Variants in LRRIQ3 observed in about 807,000 individuals in gnomAD.
LRRIQ3 encodes leucine rich repeats and IQ motif containing 3, also known as leucine-rich repeat and IQ domain-containing protein 3.
Under a neutral mutation model 59.3 loss-of-function variants are expected in LRRIQ3, and 75 were observed. The observed-to-expected ratio is 1.26, with a 90% CI of 1.05 to 1.53. The LOEUF (loss-of-function observed/expected upper bound fraction) is 1.53, where lower values mean the gene tolerates loss of function less well. Among genes scored for constraint, LRRIQ3 ranks in the 40% most tolerant of loss-of-function variants. The pLI is 0.00. For synonymous variants in LRRIQ3, 250 were observed against 231.3 expected (o/e 1.08, Z -0.73); for missense variants, 831 against 710.0 (o/e 1.17, Z -1.94).
chr1:74,196,821 T>C (rs554466607), intron 1 of LRRIQ3, among the ~76,000 whole-genome samples: 2 of 152,314 alleles, frequency 1.3e-5, no homozygotes, highest in South Asian at 4.1e-4. Context: ...ACCTGCAATA[T>C]TGCAGTAACC....
intron 4 of LRRIQ3, among the ~76,000 whole-genome samples, chr1:74,128,568 A>G (rs889405234): frequency 6.6e-6 from 1 of 152,078 alleles, no homozygotes; most frequent in Non-Finnish European, 1.5e-5. Context: ...GAAAGTTCAC[A>G]TATGTCTCTC....
intron 6 of LRRIQ3, among the ~76,000 whole-genome samples, 184 bp downstream of exon 6, chr1:74,074,477 T>C (rs747650778): frequency 2.6e-5 from 4 of 152,146 alleles, no homozygotes; most frequent in East Asian, 1.9e-4. Context: ...ACGGATTACA[T>C]GTACTTTTTT....
At chr1:74,119,178 C>T (rs1557624324) in intron 4 of LRRIQ3, among the ~76,000 whole-genome samples, 1 of 152,032 alleles carries the variant, frequency 6.6e-6, no homozygotes, top group Non-Finnish European at 1.5e-5. Context: ...TTGTCACCAG[C>T]AATATAATTC....
At chr1:74,193,187 G>A (rs894736031) in intron 1 of LRRIQ3, among the ~76,000 whole-genome samples, 1 of 152,136 alleles carries the variant, frequency 6.6e-6, no homozygotes, top group Admixed American at 6.5e-5. Context: ...TAACTATTTT[G>A]TGAAATGTAT....
chr1:74,139,956 A>AG (rs1647201574), intron 4 of LRRIQ3, among the ~76,000 whole-genome samples: 2 of 151,898 alleles, frequency 1.3e-5, no homozygotes, highest in South Asian at 4.1e-4. Flanking sequence ...AAAACAGTAG[A>AG]GGGGGAAAAC....
chr1:74,082,849 A>T (rs1325869190), intron 5 of LRRIQ3: 1 of 151,632 alleles, frequency 6.6e-6, no homozygotes, highest in Non-Finnish European at 1.5e-5. Flanking sequence ...TGACTCAATA[A>T]CAATTACTTG....
At chr1:74,105,535 G>A (rs925091206) in intron 5 of LRRIQ3, among the ~76,000 whole-genome samples, 1 of 151,864 alleles carries the variant, frequency 6.6e-6, no homozygotes, top group Non-Finnish European at 1.5e-5. Flanking sequence ...TTACAGACGT[G>A]AGCCACCATG....
intron 4 of LRRIQ3, among the ~76,000 whole-genome samples, chr1:74,139,379 A>C (rs1479936153): frequency 6.6e-6 from 1 of 151,746 alleles, no homozygotes; most frequent in Non-Finnish European, 1.5e-5. Flanking sequence ...AATTGCATAC[A>C]CCAAAATTTT....
chr1:74,076,605 C>T (rs1646213292), intron 5 of LRRIQ3, among the ~76,000 whole-genome samples: 1 of 151,992 alleles, frequency 6.6e-6, no homozygotes, highest in Non-Finnish European at 1.5e-5. Context: ...CTTGTTCAAA[C>T]CTCCTTTATT....
At chr1:74,036,383 C>T (rs1164049322) in intron 7 of LRRIQ3, among the ~76,000 whole-genome samples, 1 of 152,086 alleles carries the variant, frequency 6.6e-6, no homozygotes, top group Non-Finnish European at 1.5e-5. Flanking sequence ...TAGGTCATAC[C>T]CTTTTCTTTT....
At chr1:74,071,807 T>A (rs1357690449) in intron 6 of LRRIQ3, among the ~76,000 whole-genome samples, 1 of 152,100 alleles carries the variant, frequency 6.6e-6, no homozygotes, top group Non-Finnish European at 1.5e-5. Context: ...TAACTCAGAC[T>A]CTCTGGGGCC....
chr1:74,066,421 C>T (rs1043536573), intron 6 of LRRIQ3, among the ~76,000 whole-genome samples: 9 of 151,944 alleles, frequency 5.9e-5, no homozygotes, highest in African/African-American at 2.2e-4. Flanking sequence ...TTTCTAAATT[C>T]TCAAAAAATA....
chr1:74,106,588 G>A (rs973114696), intron 5 of LRRIQ3, among the ~76,000 whole-genome samples: 1 of 151,912 alleles, frequency 6.6e-6, no homozygotes, highest in African/African-American at 2.4e-5. Flanking sequence ...TCCAGCCTAG[G>A]TTACTTACTA....
chr1:74,050,187 G>A (rs926538458), intron 6 of LRRIQ3, among the ~76,000 whole-genome samples: 1 of 152,014 alleles, frequency 6.6e-6, no homozygotes, highest in Non-Finnish European at 1.5e-5. Flanking sequence ...CTCCCAAAGT[G>A]CTGGGACTAC....
At chr1:74,156,284 C>G (rs1162305261) in intron 3 of LRRIQ3, among the ~76,000 whole-genome samples, 2 of 152,106 alleles carry the variant, frequency 1.3e-5, no homozygotes, top group South Asian at 4.1e-4. Flanking sequence ...GAGGCCCTTA[C>G]CAGAAACAGA....
intron 4 of LRRIQ3, among the ~76,000 whole-genome samples, chr1:74,114,222 A>G (rs1025916437): frequency 1.2e-4 from 18 of 152,082 alleles, no homozygotes; most frequent in African/African-American, 4.1e-4. Flanking sequence ...CTATGAATAT[A>G]TCCATTCATC....
chr1:74,146,647 T>C (rs1475393981), intron 4 of LRRIQ3, among the ~76,000 whole-genome samples: 1 of 152,226 alleles, frequency 6.6e-6, no homozygotes, highest in Non-Finnish European at 1.5e-5. Context: ...TTTTATTTTA[T>C]TTTATTTGGT....
chr1:74,044,230 T>C (rs1211372716), intron 6 of LRRIQ3, among the ~76,000 whole-genome samples: 1 of 152,072 alleles, frequency 6.6e-6, no homozygotes, highest in Non-Finnish European at 1.5e-5. Flanking sequence ...TGCAGCAATG[T>C]AGTTTAGATG....
At chr1:74,091,427 C>T (rs1286279306) in intron 5 of LRRIQ3, among the ~76,000 whole-genome samples, 2 of 151,952 alleles carry the variant, frequency 1.3e-5, no homozygotes, top group South Asian at 2.1e-4. Flanking sequence ...TGAACAAAGA[C>T]TATAGAGTTA....
Sources: allele counts gnomAD v4.1 joint callset (sites outside exome capture counted in the v4.1 genomes callset), GRCh38; gene constraint gnomAD v4.1.1; transcripts MANE v1.5; gene names NCBI Gene and HGNC (gene_info 2026-07-23, HGNC 2026-07-21).